KCTD8: variants seen among roughly 807,000 people sequenced by gnomAD.
KCTD8 encodes BTB/POZ domain-containing protein KCTD8.
In KCTD8, 27 loss-of-function variants were observed where a neutral mutation model predicts 31.5. That is an observed-to-expected ratio of 0.86 (90% CI 0.63 to 1.18). The LOEUF (loss-of-function observed/expected upper bound fraction) is 1.18. Ranked by LOEUF, KCTD8 falls within the 50% of genes most tolerant of loss-of-function variation. The pLI, the probability that KCTD8 is intolerant of heterozygous loss-of-function variation, is 0.00. For synonymous variants in KCTD8, 290 were observed against 280.0 expected (o/e 1.04, Z -0.36); for missense variants, 658 against 647.7 (o/e 1.02, Z -0.17).
intron 1 of KCTD8, among the ~76,000 whole-genome samples, chr4:44,447,014 C>A (rs562180213): frequency 6.6e-6 from 1 of 152,220 alleles, no homozygotes; most frequent in Non-Finnish European, 1.5e-5. Flanking sequence ...ACCTTTATCG[C>A]TTCTCCCCTG....
chr4:44,348,059 C>T (rs1418361952), intron 1 of KCTD8, among the ~76,000 whole-genome samples: 4 of 152,104 alleles, frequency 2.6e-5, no homozygotes, highest in African/African-American at 7.2e-5. Flanking sequence ...TAGAAATTCA[C>T]CATTCCTTCC....
intron 1 of KCTD8, among the ~76,000 whole-genome samples, chr4:44,320,930 G>A (rs1021758791): frequency 5.3e-5 from 8 of 151,816 alleles, no homozygotes; most frequent in African/African-American, 1.9e-4. Context: ...AGGATAACAA[G>A]ATTTAAGTGA....
At chr4:44,183,383 G>A (rs184490637) in intron 1 of KCTD8, among the ~76,000 whole-genome samples, 1 of 151,898 alleles carries the variant, frequency 6.6e-6, no homozygotes, top group African/African-American at 2.4e-5. Flanking sequence ...AAACACAAAG[G>A]CCCTGGTATA....
At position 44,303,114 on chromosome 4, in the gene KCTD8, C is replaced by T. The variant is rs917968228; in HGVS notation, c.962-127864G>A. Among the ~76,000 whole-genome samples the T allele has an allele frequency of 4.0e-5, 6 of 151,696 alleles. No homozygotes were observed. In the East Asian group the frequency reaches 9.7e-4, roughly 25 times the overall value. On this transcript the variant is annotated intron_variant, in intron 1 of 1. Coordinates refer to ENST00000360029, the MANE Select transcript of KCTD8 (RefSeq NM_198353.3). ...AGCTTTTTGATGTGCTGCTGGATTC[C>T]GTTTGCCAGTATTTTATTGAGGATT...
intron 1 of KCTD8, among the ~76,000 whole-genome samples, chr4:44,303,102 G>C (rs192050617): frequency 6.6e-6 from 1 of 152,230 alleles, no homozygotes; most frequent in East Asian, 1.9e-4. Context: ...TTTTTGATGT[G>C]CTGCTGGATT....
At chr4:44,291,909 A>G (rs1206969386) in intron 1 of KCTD8, among the ~76,000 whole-genome samples, 1 of 151,498 alleles carries the variant, frequency 6.6e-6, no homozygotes, top group Non-Finnish European at 1.5e-5. Flanking sequence ...GAGAAATGCA[A>G]ATGAAAGCCA....
chr4:44,270,575 C>T (rs1716562366), intron 1 of KCTD8, among the ~76,000 whole-genome samples: 1 of 151,598 alleles, frequency 6.6e-6, no homozygotes, highest in Admixed American at 6.6e-5. Context: ...GACCTTAGGC[C>T]TTTTCTTAGA....
At position 44,336,093 on chromosome 4, in the gene KCTD8, T is replaced by G. The variant is rs1208891907; in HGVS notation, c.961+111470A>C. Reference sequence around the variant, plus strand: ...TGAACCCGGGAGGCGGAGCTTGCAGTGAGCCGAGATCCCGCCACTGCACTC... The same window carrying G: ...TGAACCCGGGAGGCGGAGCTTGCAGGGAGCCGAGATCCCGCCACTGCACTC... On this transcript the variant is annotated intron_variant, in intron 1 of 1. Transcript: ENST00000360029. Among the ~76,000 whole-genome samples, 12 of 119,774 alleles carry G rather than the reference T, an allele frequency of 1.0e-4. No individual in the cohort carries two copies. The East Asian group carries it at 3.0e-3, about 30-fold the overall frequency. 78.6% of individuals were successfully genotyped at this position (119,774 alleles called of 152,430 possible). A position where few individuals can be genotyped will look rare whatever the true frequency, so the allele number is the denominator to read the frequency against.
chr4:44,406,073 T>C (rs563213397), intron 1 of KCTD8, among the ~76,000 whole-genome samples: 4 of 152,110 alleles, frequency 2.6e-5, no homozygotes, highest in Non-Finnish European at 5.9e-5. Flanking sequence ...GACACTTCTT[T>C]CTTTATAATA....
chr4:44,396,788 C>T (rs1213545442), intron 1 of KCTD8, among the ~76,000 whole-genome samples: 1 of 152,080 alleles, frequency 6.6e-6, no homozygotes, highest in Non-Finnish European at 1.5e-5. Context: ...ACATTTCAGA[C>T]CCATGCAGTG....
At chr4:44,184,271 T>C (rs920401916) in intron 1 of KCTD8, among the ~76,000 whole-genome samples, 1 of 152,176 alleles carries the variant, frequency 6.6e-6, no homozygotes, top group Non-Finnish European at 1.5e-5. Context: ...CCATGCTACA[T>C]TGAAACTTAC....
At chr4:44,182,600 A>T (rs535013154) in intron 1 of KCTD8, among the ~76,000 whole-genome samples, 1 of 152,226 alleles carries the variant, frequency 6.6e-6, no homozygotes, top group Admixed American at 6.5e-5. Flanking sequence ...CATGCTCGTT[A>T]AGAGTCATCA....
At chr4:44,264,587 G>T (rs1022448806) in intron 1 of KCTD8, among the ~76,000 whole-genome samples, 4 of 152,200 alleles carry the variant, frequency 2.6e-5, no homozygotes, top group African/African-American at 9.6e-5. Context: ...GCGAGGCATT[G>T]CCTCACTCGG....
intron 1 of KCTD8, among the ~76,000 whole-genome samples, chr4:44,421,524 G>T (rs1048955812): frequency 6.6e-6 from 1 of 152,092 alleles, no homozygotes; most frequent in Non-Finnish European, 1.5e-5. Context: ...GCTGAGGCAA[G>T]AGATACAATA....
At chr4:44,311,052 T>C (rs1717936490) in intron 1 of KCTD8, among the ~76,000 whole-genome samples, 1 of 140,900 alleles carries the variant, frequency 7.1e-6, no homozygotes, top group South Asian at 2.4e-4. Flanking sequence ...TGATTCCTCT[T>C]AAGGCAAACA....
chr4:44,210,835 AAGAG>A (rs1714467654), intron 1 of KCTD8, among the ~76,000 whole-genome samples: 1 of 152,290 alleles, frequency 6.6e-6, no homozygotes, highest in South Asian at 2.1e-4. Context: ...TTCAAGCTAT[AAGAG>A]AGAAAGATTT....
chr4:44,188,827 TC>T (rs929920983), intron 1 of KCTD8, among the ~76,000 whole-genome samples: 1 of 152,130 alleles, frequency 6.6e-6, no homozygotes, highest in African/African-American at 2.4e-5. Flanking sequence ...AACAAATTTT[TC>T]CCTAGAACTT....
intron 1 of KCTD8, among the ~76,000 whole-genome samples, chr4:44,386,195 G>A (rs2109446490): frequency 6.6e-6 from 1 of 151,534 alleles, no homozygotes; most frequent in African/African-American, 2.4e-5. Flanking sequence ...TTCCACTTCT[G>A]GGTATATACT....
intron 1 of KCTD8, among the ~76,000 whole-genome samples, chr4:44,185,140 A>G (rs995488601): frequency 5.9e-5 from 9 of 152,358 alleles, no homozygotes; most frequent in African/African-American, 2.2e-4. Flanking sequence ...ACAAATCAGT[A>G]TCTTCCTATG....
Sources: allele counts gnomAD v4.1 joint callset (sites outside exome capture counted in the v4.1 genomes callset), GRCh38; gene constraint gnomAD v4.1.1; transcripts MANE v1.5; gene names NCBI Gene and HGNC (gene_info 2026-07-23, HGNC 2026-07-21).